FAM174B: variants seen among roughly 807,000 people sequenced by gnomAD.
FAM174B encodes family with sequence similarity 174 member B.
Under a neutral mutation model 10.9 loss-of-function variants are expected in FAM174B, and 12 were observed. The observed-to-expected ratio is 1.10, with a 90% CI of 0.71 to 1.79. FAM174B has a LOEUF of 1.79. Ranked by LOEUF, FAM174B falls within the 40% of genes most tolerant of loss-of-function variation. The pLI is 0.00. For synonymous variants in FAM174B, 132 were observed against 115.8 expected (o/e 1.14, Z -0.90); for missense variants, 266 against 233.3 (o/e 1.14, Z -0.91).
In FAM174B at chr15:92,646,583, G is replaced by C. The variant is rs1482810570; in HGVS notation, c.344+8733C>G. Among the ~76,000 whole-genome samples the C allele has an allele frequency of 3.3e-5, 5 of 152,182 alleles. No individual in the cohort carries two copies. The East Asian group carries it at 5.8e-4, about 18-fold the overall frequency. On this transcript the variant is annotated intron_variant, in intron 1 of 2. Transcript: ENST00000327355. ...TAATTCAGGCCATGATGGGAAGGGTGGGGGGTTGGACATACCTGATTCTAC... is the reference window on the plus strand; with the variant it reads ...TAATTCAGGCCATGATGGGAAGGGTCGGGGGTTGGACATACCTGATTCTAC...
chr15:92,639,654 C>T (rs1392694153), intron 1 of FAM174B, among the ~76,000 whole-genome samples: 1 of 152,088 alleles, frequency 6.6e-6, no homozygotes, highest in Non-Finnish European at 1.5e-5. Context: ...TGGGGGTGGG[C>T]CTTCATGAAC....
At chr15:92,643,826 G>A (rs62022576) in intron 1 of FAM174B, among the ~76,000 whole-genome samples, 15,361 of 152,152 alleles carry the variant, frequency 0.1, 1,133 homozygotes, top group East Asian at 0.3. Context: ...AAGGACCAGC[G>A]TTCTGCCAAA....
chr15:92,639,817 C>A (rs1326144242), intron 1 of FAM174B, among the ~76,000 whole-genome samples: 2 of 152,180 alleles, frequency 1.3e-5, no homozygotes, highest in African/African-American at 4.8e-5. Context: ...CTTTGCCTTC[C>A]ACCATGATTG....
chr15:92,651,206 C>A (rs927562543), intron 1 of FAM174B, among the ~76,000 whole-genome samples: 10 of 152,150 alleles, frequency 6.6e-5, no homozygotes, highest in African/African-American at 1.9e-4. Flanking sequence ...TCAGGCTCTG[C>A]AGATGGAAAC....
At chr15:92,631,129 ACG>A (rs1474294228) in intron 1 of FAM174B, among the ~76,000 whole-genome samples, 21 of 47,460 alleles carry the variant, frequency 4.4e-4, no homozygotes, top group Admixed American at 1.3e-3. Flanking sequence ...ATTATATATT[ACG>A]TATTACATAT....
intron 2 of FAM174B, among the ~76,000 whole-genome samples, chr15:92,627,669 T>TA (rs2050762096): frequency 6.6e-6 from 1 of 152,210 alleles, no homozygotes; most frequent in Non-Finnish European, 1.5e-5. Context: ...CCCACGGAGT[T>TA]AGTTCAGTCA....
At chr15:92,631,365 T>C in intron 1 of FAM174B, among the ~76,000 whole-genome samples, 1 of 39,556 alleles carries the variant, frequency 2.5e-5, no homozygotes, top group South Asian at 6.3e-4. Flanking sequence ...TTATATATTA[T>C]ATTATATATA....
At chr15:92,640,153 T>G (rs1045703567) in intron 1 of FAM174B, among the ~76,000 whole-genome samples, 3 of 152,146 alleles carry the variant, frequency 2.0e-5, no homozygotes, top group Admixed American at 1.3e-4. Context: ...GACTTAAATG[T>G]AGAAAATAAA....
At chr15:92,632,857 GTC>G (rs113989144) in intron 1 of FAM174B, among the ~76,000 whole-genome samples, 80 of 152,210 alleles carry the variant, frequency 5.3e-4, no homozygotes, top group African/African-American at 1.8e-3. Context: ...ATGGTAGAGG[GTC>G]ACTGTGGGCT....
intron 2 of FAM174B, chr15:92,619,838 C>T (rs1248220636): frequency 1.1e-5 from 3 of 266,086 alleles, no homozygotes; most frequent in African/African-American, 6.5e-5. Context: ...ACGGTGATAA[C>T]TCCTCAACCC....
At chr15:92,624,906 G>T (rs1182308639) in intron 2 of FAM174B, among the ~76,000 whole-genome samples, 1 of 152,198 alleles carries the variant, frequency 6.6e-6, no homozygotes, top group Non-Finnish European at 1.5e-5. Flanking sequence ...TCTCTTCCTG[G>T]AGGACGCCTA....
At position 92,655,303 on chromosome 15, in the gene FAM174B, C is replaced by T. The variant is rs371711774; in HGVS notation, c.344+13G>A. On this transcript the variant is annotated intron_variant, in intron 1 of 2. Coordinates refer to ENST00000327355, the MANE Select transcript of FAM174B (RefSeq NM_207446.3). The stretch of plus-strand genomic sequence containing the variant: ...TCGGCCGGCGGGGGAAGGAAGAGGG[C>T]GGGAGGGCCCACCTGAAGACGCGCA... The T allele has an allele frequency of 2.6e-6, 4 of 1,540,198 alleles. No homozygotes were observed. The highest frequency in any genetic ancestry group is 2.6e-6 in the Non-Finnish European group (3 of 1,142,356).
In FAM174B at chr15:92,631,130, C is replaced by T. The variant is rs867704574; in HGVS notation, c.345-785G>A. 2.0e-4 allele frequency among the ~76,000 whole-genome samples: 6 copies of T among 30,382 alleles called. 1 individual carries two copies. The highest frequency in any genetic ancestry group is 1.4e-3 in the East Asian group (1 of 716). The allele number at this position is 30,382 out of a possible 152,430, so 19.9% of individuals were successfully genotyped here. On this transcript the variant is annotated intron_variant, in intron 1 of 2. Coordinates refer to ENST00000327355, the MANE Select transcript of FAM174B (RefSeq NM_207446.3). The stretch of plus-strand genomic sequence containing the variant: ...ATATTACATATTATATTATATATTA[C>T]GTATTACATATTACATATTATATTA...
At chr15:92,622,267 T>C (rs1567042158) in intron 2 of FAM174B, among the ~76,000 whole-genome samples, 2 of 152,156 alleles carry the variant, frequency 1.3e-5, no homozygotes, top group South Asian at 2.1e-4. Context: ...ATACACAAGG[T>C]AGGGAGCCAC....
rs78378862 is a variant in FAM174B, at chr15:92,633,753, C to A, written c.345-3408G>T. Among the ~76,000 whole-genome samples the A allele has an allele frequency of 9.7e-3, 1,484 of 152,244 alleles. 15 individuals are homozygous for A. The highest frequency in any genetic ancestry group is 0.027 in the African/African-American group (1,103 of 41,536). On this transcript the variant is annotated intron_variant, in intron 1 of 2. Transcript: ENST00000327355. ...AGCTTTGTGTGGGACTTAAATGCTA[C>A]CTTTATAAACAGTTGGATCCACATT...
intron 1 of FAM174B, among the ~76,000 whole-genome samples, chr15:92,633,653 A>G (rs993338849): frequency 6.6e-6 from 1 of 152,208 alleles, no homozygotes; most frequent in Non-Finnish European, 1.5e-5. Flanking sequence ...AAGCCTGGTG[A>G]TAAGAGGATA....
intron 1 of FAM174B, chr15:92,653,342 T>G (rs1484245630): frequency 6.6e-6 from 1 of 152,200 alleles, no homozygotes; most frequent in Non-Finnish European, 1.5e-5. Context: ...CCCCTACTCC[T>G]GAGTAATAAA....
intron 1 of FAM174B, among the ~76,000 whole-genome samples, chr15:92,642,315 T>C (rs1264328110): frequency 2.0e-5 from 3 of 152,234 alleles, no homozygotes; most frequent in Admixed American, 6.5e-5. Flanking sequence ...CCTAGGTGTA[T>C]ATTCCCAAGA....
At chr15:92,639,637 T>C (rs2050877435) in intron 1 of FAM174B, among the ~76,000 whole-genome samples, 1 of 152,212 alleles carries the variant, frequency 6.6e-6, no homozygotes, top group African/African-American at 2.4e-5. Flanking sequence ...GGAAGGTGAC[T>C]GGATCATGGG....
Sources: gnomAD v4.1 joint callset for allele counts (sites outside exome capture counted in the v4.1 genomes callset) on GRCh38, gnomAD v4.1.1 for gene constraint, MANE v1.5 for transcripts, NCBI Gene and HGNC (gene_info 2026-07-23, HGNC 2026-07-21) for gene names.